The following EXOC4 variants were observed in gnomAD, a reference collection of about 807,000 sequenced individuals.
EXOC4 encodes SEC8-like 1.
In EXOC4, 71 loss-of-function variants were observed where a neutral mutation model predicts 107.2. That is an observed-to-expected ratio of 0.66 (90% CI 0.55 to 0.81). The LOEUF (loss-of-function observed/expected upper bound fraction) is 0.81, where lower values mean the gene tolerates loss of function less well. Among genes scored for constraint, EXOC4 ranks in the 30% least tolerant of loss-of-function variants. EXOC4 has a pLI of 0.00. For synonymous variants in EXOC4, 456 were observed against 441.2 expected (o/e 1.03, Z -0.42); for missense variants, 1,108 against 1,189.6 (o/e 0.93, Z 1.01).
intron 7 of EXOC4, among the ~76,000 whole-genome samples, chr7:133,382,828 T>C (rs553833642): frequency 2.0e-5 from 3 of 152,322 alleles, no homozygotes; most frequent in African/African-American, 7.2e-5. Flanking sequence ...GCAGTTTTTT[T>C]CCACTGCAAC....
downstream of EXOC4, among the ~76,000 whole-genome samples, chr7:134,068,496 A>T (rs1337388735): frequency 7.0e-6 from 1 of 143,016 alleles, no homozygotes; most frequent in Non-Finnish European, 1.5e-5. Context: ...CTCCCCAGCC[A>T]TGTGGAACTG....
intron 7 of EXOC4, among the ~76,000 whole-genome samples, chr7:133,412,622 G>A (rs1423078887): frequency 2.0e-5 from 3 of 151,702 alleles, no homozygotes; most frequent in African/African-American, 7.3e-5. Flanking sequence ...GTCTAGTTGA[G>A]TCCAGCCTGG....
At chr7:133,717,289 G>A (rs1396965168) in intron 10 of EXOC4, among the ~76,000 whole-genome samples, 2 of 152,192 alleles carry the variant, frequency 1.3e-5, no homozygotes, top group African/African-American at 4.8e-5. Context: ...TTTTATCAAT[G>A]ATAGGAACAA....
At chr7:133,687,237 G>A (rs1794325274) in intron 10 of EXOC4, among the ~76,000 whole-genome samples, 1 of 151,854 alleles carries the variant, frequency 6.6e-6, no homozygotes, top group Non-Finnish European at 1.5e-5. Flanking sequence ...TGATACAGTG[G>A]ACTTTAGGCA....
At chr7:133,789,326 C>G (rs1585146669) in intron 10 of EXOC4, among the ~76,000 whole-genome samples, 2 of 152,180 alleles carry the variant, frequency 1.3e-5, no homozygotes, top group African/African-American at 2.4e-5. Flanking sequence ...CACACAGAAG[C>G]TCTCCATTTA....
intron 10 of EXOC4, among the ~76,000 whole-genome samples, chr7:133,770,400 T>C (rs1272500796): frequency 2.0e-5 from 3 of 151,922 alleles, no homozygotes; most frequent in African/African-American, 4.8e-5. Context: ...TTTTTATCCT[T>C]CTGTGATCGT....
At chr7:133,321,120 C>T (rs879761868) in intron 5 of EXOC4, among the ~76,000 whole-genome samples, 2 of 152,146 alleles carry the variant, frequency 1.3e-5, no homozygotes, top group Non-Finnish European at 2.9e-5. Flanking sequence ...TAGGGAATCC[C>T]TGGGGAGTAT....
chr7:133,494,190 T>C (rs989787632), intron 9 of EXOC4, among the ~76,000 whole-genome samples: 34 of 152,214 alleles, frequency 2.2e-4, no homozygotes, highest in Admixed American at 6.5e-4. Flanking sequence ...AGAGCTTCTT[T>C]CTTCAAGTCT....
At position 133,374,828 on chromosome 7, in the gene EXOC4, G is replaced by C; in HGVS notation, c.1008G>C (p.Arg336Ser). 1 of 1,611,368 alleles carries C rather than the reference G, an allele frequency of 6.2e-7. No individual in the cohort carries two copies. Among genetic ancestry groups the C allele is most frequent in the Non-Finnish European group, 8.5e-7 (1 of 1,178,002 alleles). The change falls in exon 7 of 18, where the codon AGG becomes AGC. Residue 336 changes from arginine (R) to serine (S), a missense_variant and splice_region_variant. Transcript: ENST00000253861. ...GTTATTTATTTGTTTATGCCACTAG[G>C]TTGCTTCTAGAACTGCTGGAGTTAC... Reference protein sequence around the residue: ...GENVTVENQPRLLLELLELLF... With the variant: ...GENVTVENQPSLLLELLELLF...
chr7:133,286,224 G>C (rs1794273895), intron 2 of EXOC4, among the ~76,000 whole-genome samples: 1 of 151,958 alleles, frequency 6.6e-6, no homozygotes, highest in African/African-American at 2.4e-5. Context: ...TTCCTGTTTG[G>C]AGATTTCCTC....
intron 9 of EXOC4, among the ~76,000 whole-genome samples, chr7:133,522,517 A>G (rs1025980778): frequency 2.0e-5 from 3 of 152,080 alleles, no homozygotes; most frequent in Non-Finnish European, 4.4e-5. Flanking sequence ...ATATATTATC[A>G]TATATAGCGC....
At chr7:133,604,927 G>A (rs1367779441) in intron 9 of EXOC4, among the ~76,000 whole-genome samples, 1 of 151,342 alleles carries the variant, frequency 6.6e-6, no homozygotes, top group Non-Finnish European at 1.5e-5. Context: ...ATTTCACCAT[G>A]CTGTCCAGGC....
chr7:133,367,027 G>T (rs1339510406), intron 6 of EXOC4, among the ~76,000 whole-genome samples: 1 of 152,036 alleles, frequency 6.6e-6, no homozygotes, highest in East Asian at 1.9e-4. Context: ...GAGGAGGGGA[G>T]GTAAGGATTT....
chr7:133,986,599 T>A (rs1373151219), intron 14 of EXOC4, among the ~76,000 whole-genome samples: 1 of 152,216 alleles, frequency 6.6e-6, no homozygotes, highest in African/African-American at 2.4e-5. Context: ...TAAGCTGGTA[T>A]GTACTTTAGC....
At chr7:133,911,015 T>G (rs1027339331) in intron 12 of EXOC4, among the ~76,000 whole-genome samples, 1 of 152,144 alleles carries the variant, frequency 6.6e-6, no homozygotes, top group Non-Finnish European at 1.5e-5. Flanking sequence ...CAGCAGATGT[T>G]TTCTGAATGA....
At chr7:133,790,094 C>T (rs1796672724) in intron 10 of EXOC4, among the ~76,000 whole-genome samples, 1 of 152,200 alleles carries the variant, frequency 6.6e-6, no homozygotes, top group East Asian at 1.9e-4. Context: ...ACATAACTAA[C>T]AGAACCTGAT....
At chr7:133,338,575 G>A (rs1795578399) in intron 5 of EXOC4, among the ~76,000 whole-genome samples, 1 of 134,686 alleles carries the variant, frequency 7.4e-6, no homozygotes. Flanking sequence ...AGTCCGACCT[G>A]GGCGCCAGAG....
chr7:133,253,091 C>G lies in EXOC4; in HGVS notation c.-11C>G. The G allele has an allele frequency of 6.2e-7, 1 of 1,614,096 alleles. No individual in the cohort carries two copies. The highest frequency in any genetic ancestry group is 8.5e-7 in the Non-Finnish European group (1 of 1,179,934). On this transcript the variant is annotated 5_prime_UTR_variant, in exon 1 of 18. Coordinates refer to ENST00000253861, the MANE Select transcript of EXOC4 (RefSeq NM_021807.4). ...CTTCCTTGGAGCCTAGCGGCTCTCCCCGCGTCCAAGATGGCGGCAGAAGCA... is the reference window on the plus strand; with the variant it reads ...CTTCCTTGGAGCCTAGCGGCTCTCCGCGCGTCCAAGATGGCGGCAGAAGCA...
In EXOC4 at chr7:134,065,362, A is replaced by C. The variant is rs1404547967; in HGVS notation, c.*834A>C. 6.6e-6 allele frequency: 1 copy of C among 152,010 alleles called. No homozygotes were observed. The highest frequency in any genetic ancestry group is 2.4e-5 in the African/African-American group (1 of 41,382). 9.4% of individuals were successfully genotyped at this position (152,010 alleles called of 1,614,324 possible). ...TCACTTGAAACATCCTTTGGGGGTAAATGATTCTTAGGTGCTCACTTGGTC... is the reference window on the plus strand; with the variant it reads ...TCACTTGAAACATCCTTTGGGGGTACATGATTCTTAGGTGCTCACTTGGTC... On this transcript the variant is annotated 3_prime_UTR_variant, in exon 18 of 18. Coordinates refer to ENST00000253861, the MANE Select transcript of EXOC4 (RefSeq NM_021807.4).
Sources: allele counts gnomAD v4.1 joint callset (sites outside exome capture counted in the v4.1 genomes callset), GRCh38; gene constraint gnomAD v4.1.1; transcripts MANE v1.5; gene names NCBI Gene and HGNC (gene_info 2026-07-23, HGNC 2026-07-21).